The following LNPEP variants were observed in gnomAD, a reference collection of about 807,000 sequenced individuals.
LNPEP encodes leucyl and cystinyl aminopeptidase, also known as leucyl-cystinyl aminopeptidase.
A neutral mutation model predicts 120.6 loss-of-function variants in LNPEP; 64 were observed. That is an observed-to-expected ratio of 0.53 (90% CI 0.43 to 0.65). LNPEP has a LOEUF of 0.65. Ranked by LOEUF, LNPEP falls within the 30% of genes least tolerant of loss-of-function variation. The pLI is 0.00. For missense variants in LNPEP, 1,057 were observed against 1,200.0 expected (o/e 0.88, Z 1.76); for synonymous variants, 435 against 425.4 (o/e 1.02, Z -0.28).
At chr5:97,008,390 G>A (rs1271501036) in intron 11 of LNPEP, among the ~76,000 whole-genome samples, 1 of 100,610 alleles carries the variant, frequency 9.9e-6, no homozygotes, top group East Asian at 3.1e-4. Flanking sequence ...TTGCTCTGTT[G>A]CCCAGGCTGG....
intron 5 of LNPEP, among the ~76,000 whole-genome samples, chr5:96,993,470 CA>C (rs1215978072): frequency 4.6e-5 from 7 of 152,122 alleles, no homozygotes; most frequent in Non-Finnish European, 1.0e-4. Flanking sequence ...CTCAGGAAAG[CA>C]AGAACATTTC....
intron 11 of LNPEP, among the ~76,000 whole-genome samples, chr5:97,008,612 A>G (rs1254549888): frequency 6.8e-6 from 1 of 148,026 alleles, no homozygotes; most frequent in African/African-American, 2.5e-5. Flanking sequence ...TTGGCTTCCC[A>G]AAGTGTTGGG....
Position 96,993,957 on chromosome 5 carries a change from G to C in LNPEP, c.1393G>C (p.Glu465Gln). 1 of 1,613,764 alleles carries C rather than the reference G, an allele frequency of 6.2e-7. No homozygotes were observed. The highest frequency in any genetic ancestry group is 1.3e-5 in the African/African-American group (1 of 74,994). The change falls in exon 6 of 18, where the codon GAG becomes CAG. Residue 465 changes from glutamate to glutamine, a missense_variant. Transcript: ENST00000231368. ...RKLVTKIIAHELAHQWFGNLV... is the reference protein window; with the variant it reads ...RKLVTKIIAHQLAHQWFGNLV... Reference sequence around the variant, plus strand: ...GCTGGTGACTAAAATCATTGCTCATGAGCTGGCCCACCAGGTATTAGCAAC... The same window carrying C: ...GCTGGTGACTAAAATCATTGCTCATCAGCTGGCCCACCAGGTATTAGCAAC...
rs572321183 is a variant in LNPEP at position 97,003,902 on chromosome 5, C to T, written c.1785+356C>T. The stretch of plus-strand genomic sequence containing the variant: ...GACTTTTTTTCCAGAAATCTCTTTT[C>T]CTATCCTTACCCTTTTAGTTTTTCT... On this transcript the variant is annotated intron_variant, in intron 9 of 17. Coordinates refer to ENST00000231368, the MANE Select transcript of LNPEP (RefSeq NM_005575.3). Among the ~76,000 whole-genome samples the T allele has an allele frequency of 3.3e-5, 5 of 151,748 alleles. No individual in the cohort carries two copies. The South Asian group carries it at 6.2e-4, about 19-fold the overall frequency.
intron 9 of LNPEP, among the ~76,000 whole-genome samples, chr5:97,003,843 C>T (rs957760534): frequency 2.6e-5 from 4 of 151,670 alleles, no homozygotes; most frequent in Non-Finnish European, 4.4e-5. Context: ...TTGTCTTCTC[C>T]GTATTAATGA....
chr5:96,986,425 A>G (rs898132833), intron 3 of LNPEP, 114 bp from the exon 4 acceptor site: 19 of 1,015,982 alleles, frequency 1.9e-5, no homozygotes, highest in Non-Finnish European at 2.6e-5. Flanking sequence ...AGAGGTTATA[A>G]TATGCTAGCA....
At chr5:96,997,165 T>C (rs1377980082) in intron 7 of LNPEP, among the ~76,000 whole-genome samples, 1 of 152,102 alleles carries the variant, frequency 6.6e-6, no homozygotes, top group Non-Finnish European at 1.5e-5. Context: ...ATTGTCAAGA[T>C]AATTCAAACA....
intron 1 of LNPEP, among the ~76,000 whole-genome samples, chr5:96,970,652 T>C (rs1789838070): frequency 6.6e-6 from 1 of 152,058 alleles, no homozygotes; most frequent in Admixed American, 6.6e-5. Flanking sequence ...TTTCATTTTA[T>C]TTTCTCTATT....
chr5:96,993,104 C>T lies in LNPEP; in HGVS notation c.1221C>T (p.Tyr407=), dbSNP rs779048517. The change falls in exon 5 of 18, where the codon TAC becomes TAT. Residue 407 remains tyrosine (Y), a synonymous_variant. Transcript: ENST00000231368. ...TVKLLEFFQN[Y]FEIQYPLKKL... is the part of the protein sequence containing the mutation. ...AGCTTCTTGAGTTTTTTCAAAACTA[C>T]TTTGAAATTCAGTACCCACTTAAGA... The T allele has an allele frequency of 6.3e-7, 1 of 1,597,550 alleles. No individual in the cohort carries two copies. Among genetic ancestry groups the T allele is most frequent in the Admixed American group, 1.7e-5 (1 of 58,358 alleles).
rs1265832000 is a variant in LNPEP at position 97,036,490 on chromosome 5, A to C, written c.*7957A>C. The C allele has an allele frequency of 6.6e-6, 1 of 152,168 alleles. No homozygotes were observed. Among genetic ancestry groups the C allele is most frequent in the Non-Finnish European group, 1.5e-5 (1 of 68,034 alleles). 9.4% of individuals were successfully genotyped at this position (152,168 alleles called of 1,614,324 possible). A position where few individuals can be genotyped will look rare whatever the true frequency, so the allele number is the denominator to read the frequency against. On this transcript the variant is annotated 3_prime_UTR_variant, in exon 18 of 18. Coordinates refer to ENST00000231368, the MANE Select transcript of LNPEP (RefSeq NM_005575.3). ...CCAGACCTGTATGTTCGCTTTAAGCATTCTTATATCACACTGTCTCCTCAT... is the reference window on the plus strand; with the variant it reads ...CCAGACCTGTATGTTCGCTTTAAGCCTTCTTATATCACACTGTCTCCTCAT...
chr5:97,022,972 G>A (rs927598032), intron 14 of LNPEP, among the ~76,000 whole-genome samples: 3 of 151,802 alleles, frequency 2.0e-5, no homozygotes, highest in African/African-American at 7.3e-5. Flanking sequence ...GTACAGTTCA[G>A]TAGTGTTAAG....
chr5:97,011,716 A>G (rs192676369), intron 11 of LNPEP, among the ~76,000 whole-genome samples: 43 of 152,344 alleles, frequency 2.8e-4, no homozygotes, highest in African/African-American at 1.0e-3. Flanking sequence ...TCTGCCCTTG[A>G]AAAAGGAATA....
Position 97,027,708 on chromosome 5 carries a change from T to C in LNPEP, c.2865-25T>C, listed in dbSNP as rs2112676570. The C allele has an allele frequency of 2.7e-6, 4 of 1,456,378 alleles. No individual in the cohort carries two copies. The East Asian group carries it at 9.1e-5, about 33-fold the overall frequency. The allele number at this position is 1,456,378 out of a possible 1,614,324, so 90.2% of individuals were successfully genotyped here. A position where few individuals can be genotyped will look rare whatever the true frequency, so the allele number is the denominator to read the frequency against. ...TTTACCAGCAGCTGCCTAATCTTTTTGCTCTTGTTTTTGTGTTTCTTCAGG... is the reference window on the plus strand; with the variant it reads ...TTTACCAGCAGCTGCCTAATCTTTTCGCTCTTGTTTTTGTGTTTCTTCAGG... On this transcript the variant is annotated intron_variant, in intron 16 of 17. Coordinates refer to ENST00000231368, the MANE Select transcript of LNPEP (RefSeq NM_005575.3).
At chr5:96,986,493 A>T (rs755226475) in intron 3 of LNPEP, 46 bp from the exon 4 acceptor site, 1 of 1,568,350 alleles carries the variant, frequency 6.4e-7, no homozygotes, top group South Asian at 1.2e-5. Context: ...TGTTATTGCC[A>T]TTTATTCCTA....
At chr5:96,982,786 A>C (rs1790155557) in intron 2 of LNPEP, among the ~76,000 whole-genome samples, 1 of 152,246 alleles carries the variant, frequency 6.6e-6, no homozygotes, top group Non-Finnish European at 1.5e-5. Context: ...CTTAACAGAA[A>C]AAAAGCAAAA....
chr5:97,013,889 A>G, intron 12 of LNPEP, 58 bp downstream of exon 12: 1 of 1,252,318 alleles, frequency 8.0e-7, no homozygotes. Flanking sequence ...ATTGAGGTAA[A>G]GAACATATAT....
intron 13 of LNPEP, among the ~76,000 whole-genome samples, chr5:97,016,554 A>G (rs1561453349): frequency 6.6e-6 from 1 of 152,122 alleles, no homozygotes; most frequent in Admixed American, 6.5e-5. Context: ...TTATATTGCT[A>G]TTTGTAAAAT....
intron 14 of LNPEP, among the ~76,000 whole-genome samples, chr5:97,023,316 C>T (rs780745945): frequency 7.9e-5 from 12 of 152,070 alleles, no homozygotes; most frequent in Middle Eastern, 3.4e-3. Context: ...TGCAGTGGCG[C>T]GATCTCAGCT....
At chr5:96,999,244 C>T (rs991699206) in intron 8 of LNPEP, among the ~76,000 whole-genome samples, 3 of 152,070 alleles carry the variant, frequency 2.0e-5, no homozygotes, top group Non-Finnish European at 4.4e-5. Context: ...AACGTAAAGT[C>T]AGGAAATTGC....
Sources: gnomAD v4.1 joint callset for allele counts (sites outside exome capture counted in the v4.1 genomes callset) on GRCh38, gnomAD v4.1.1 for gene constraint, MANE v1.5 for transcripts, NCBI Gene and HGNC (gene_info 2026-07-23, HGNC 2026-07-21) for gene names.